PDPR: variants seen among roughly 807,000 people sequenced by gnomAD.
The protein encoded by PDPR is pyruvate dehydrogenase phosphatase regulatory subunit.
Under a neutral mutation model 102.2 loss-of-function variants are expected in PDPR, and 50 were observed. The observed-to-expected ratio is 0.49, with a 90% CI of 0.39 to 0.62. PDPR has a LOEUF of 0.62. PDPR is among the 20% of genes least tolerant of loss of function. The pLI, the probability that PDPR is intolerant of heterozygous loss-of-function variation, is 0.00. For missense variants in PDPR, 625 were observed against 1,098.2 expected (o/e 0.57, Z 6.09); for synonymous variants, 259 against 406.0 (o/e 0.64, Z 4.35).
At chr16:70,123,142 T>A (rs1227192525) in intron 3 of PDPR, among the ~76,000 whole-genome samples, 1 of 152,196 alleles carries the variant, frequency 6.6e-6, no homozygotes, top group East Asian at 1.9e-4. Context: ...CCTCAGCTGA[T>A]CCACCCGCCT....
At chr16:70,155,333 G>A (rs1195426054) in intron 18 of PDPR, among the ~76,000 whole-genome samples, 1 of 152,206 alleles carries the variant, frequency 6.6e-6, no homozygotes, top group Non-Finnish European at 1.5e-5. Context: ...CCAGGCTGGA[G>A]TGCAGTGGCG....
At chr16:70,150,912 T>C (rs962264671) in intron 17 of PDPR, among the ~76,000 whole-genome samples, 3 of 152,260 alleles carry the variant, frequency 2.0e-5, no homozygotes, top group African/African-American at 4.8e-5. Context: ...CCTGAGTAGA[T>C]AGGACCACAG....
intron 3 of PDPR, among the ~76,000 whole-genome samples, chr16:70,123,197 C>T (rs3972149): frequency 2.6e-5 from 4 of 152,174 alleles, no homozygotes; most frequent in South Asian, 2.1e-4. Flanking sequence ...CCACCGTGCC[C>T]GGCCCGCAGT....
At chr16:70,142,452 C>T (rs368749483) in intron 12 of PDPR, 63 bp downstream of exon 12, 1 of 1,604,216 alleles carries the variant, frequency 6.2e-7, no homozygotes, top group African/African-American at 1.4e-5. Flanking sequence ...ATTAATAAAA[C>T]ATATTTTCAA....
chr16:70,140,098 C>T (rs1418120455), intron 11 of PDPR, among the ~76,000 whole-genome samples: 2 of 152,290 alleles, frequency 1.3e-5, no homozygotes, highest in African/African-American at 4.8e-5. Flanking sequence ...CACTTTGGGA[C>T]GTTGAGGGAG....
In PDPR at chr16:70,159,015, T is replaced by TA. The variant is rs376812007; in HGVS notation, c.*2137dup. 1 of 152,388 alleles carries TA rather than the reference T, an allele frequency of 6.6e-6. No homozygotes were observed. The highest frequency in any genetic ancestry group is 1.9e-4 in the East Asian group (1 of 5,206). 9.4% of individuals were successfully genotyped at this position (152,388 alleles called of 1,614,324 possible). A position where few individuals can be genotyped will look rare whatever the true frequency, so the allele number is the denominator to read the frequency against. On this transcript the variant is annotated 3_prime_UTR_variant, in exon 19 of 19. Transcript: ENST00000288050. ...ACTGTTACATAGCAGTATCACCACT[T>TA]ACCAGGATCCAAATCGAAATAATAA...
chr16:70,153,115 T>C (rs1215601432), intron 17 of PDPR, among the ~76,000 whole-genome samples: 2 of 152,290 alleles, frequency 1.3e-5, no homozygotes, highest in Non-Finnish European at 2.9e-5. Context: ...AATTATTATT[T>C]AAGAATTGCT....
intron 11 of PDPR, among the ~76,000 whole-genome samples, chr16:70,140,766 G>T (rs543777355): frequency 6.6e-6 from 1 of 152,312 alleles, no homozygotes; most frequent in Non-Finnish European, 1.5e-5. Flanking sequence ...AGTGAGCCAA[G>T]ATCTCACCAC....
downstream of PDPR, among the ~76,000 whole-genome samples, chr16:70,162,814 C>T (rs946149320): frequency 1.3e-5 from 2 of 152,282 alleles, no homozygotes; most frequent in Non-Finnish European, 2.9e-5. Flanking sequence ...TCCACACGGG[C>T]ACGTGTGCAC....
rs1967337658 is a variant in PDPR at position 70,157,362 on chromosome 16, C to T, written c.*483C>T. ...CTGAGGGGCAGCTCGTGCCTGCAGC[C>T]CGGCAGCTCGTTCTCCTGTTCTGCT... is the stretch of plus-strand genomic sequence containing the variant. On this transcript the variant is annotated 3_prime_UTR_variant, in exon 19 of 19. Transcript: ENST00000288050. 1 of 371,450 alleles carries T rather than the reference C, an allele frequency of 2.7e-6. No homozygotes were observed. Among genetic ancestry groups the T allele is most frequent in the Admixed American group, 3.5e-5 (1 of 28,278 alleles). 23.0% of individuals were successfully genotyped at this position (371,450 alleles called of 1,614,324 possible).
intron 6 of PDPR, among the ~76,000 whole-genome samples, chr16:70,129,627 GC>G (rs1207764764): frequency 1.6e-4 from 24 of 152,250 alleles, no homozygotes; most frequent in Admixed American, 3.3e-4. Context: ...GGGATTACAG[GC>G]GTGAGCCACT....
In PDPR at chr16:70,153,415, G is replaced by A; in HGVS notation, c.2077G>A (p.Val693Met). 1.9e-6 allele frequency: 3 copies of A among 1,613,858 alleles called. No individual in the cohort carries two copies. The highest frequency in any genetic ancestry group is 2.5e-6 in the Non-Finnish European group (3 of 1,179,824). ...GTACGCCCTGCATGTATACAATGAA[G>A]TGATGAGTGTTGGCCAGAAATACGG... Reference protein sequence around the residue: ...IEYALHVYNEVMSVGQKYGIR... With the variant: ...IEYALHVYNEMMSVGQKYGIR... The change falls in exon 18 of 19, where the codon GTG becomes ATG. Residue 693 changes from valine to methionine, a missense_variant. Val to Met is a conservative substitution (Grantham distance 21). This residue lies in a region of PDPR where 303 missense variants were observed against 258.9 expected (regional missense o/e 1.17). Transcript: ENST00000288050.
chr16:70,139,679 T>C (rs1239289167), intron 11 of PDPR, among the ~76,000 whole-genome samples: 3 of 152,256 alleles, frequency 2.0e-5, no homozygotes, highest in Non-Finnish European at 4.4e-5. Flanking sequence ...ATTTATTTTC[T>C]AGGAAGCCCT....
At chr16:70,147,247 T>G (rs1966312400) in intron 16 of PDPR, among the ~76,000 whole-genome samples, 1 of 136,736 alleles carries the variant, frequency 7.3e-6, no homozygotes, top group African/African-American at 2.7e-5. Context: ...TATTTGTTTA[T>G]TTTTTACACT....
At chr16:70,155,090 G>T (rs2152121337) in intron 18 of PDPR, among the ~76,000 whole-genome samples, 1 of 152,264 alleles carries the variant, frequency 6.6e-6, no homozygotes, top group East Asian at 2.0e-4. Context: ...TACTCGGTAG[G>T]CTGAGGCAGG....
chr16:70,123,989 A>G (rs1484379250), intron 3 of PDPR, among the ~76,000 whole-genome samples: 6 of 152,138 alleles, frequency 3.9e-5, no homozygotes, highest in African/African-American at 1.4e-4. Context: ...CAGGAGGCGG[A>G]GGATGCAGTG....
intron 9 of PDPR, among the ~76,000 whole-genome samples, chr16:70,135,625 A>G (rs1426119479): frequency 6.6e-6 from 1 of 152,276 alleles, no homozygotes. Context: ...TTATCTGTAG[A>G]TACGTTTTAC....
chr16:70,141,962 C>T (rs1470002874), intron 11 of PDPR, among the ~76,000 whole-genome samples: 3 of 152,322 alleles, frequency 2.0e-5, no homozygotes, highest in Non-Finnish European at 2.9e-5. Flanking sequence ...TAGTGTGGCA[C>T]GGTGACACGT....
intron 8 of PDPR, 176 bp downstream of exon 8, chr16:70,131,595 T>C: frequency 1.1e-6 from 1 of 873,888 alleles, no homozygotes; most frequent in African/African-American, 1.8e-5. Context: ...TATGAAAGGA[T>C]GGCCAAAATT....
Sources: allele counts gnomAD v4.1 joint callset (sites outside exome capture counted in the v4.1 genomes callset), GRCh38; gene constraint gnomAD v4.1.1; regional missense constraint gnomAD v4.1.1; transcripts MANE v1.5; gene names NCBI Gene and HGNC (gene_info 2026-07-23, HGNC 2026-07-21).